Variants in GALNT14 observed in about 807,000 individuals in gnomAD.
GALNT14 encodes the protein polypeptide N-acetylgalactosaminyltransferase 14.
In GALNT14, 60 loss-of-function variants were observed where a neutral mutation model predicts 77.5. That is an observed-to-expected ratio of 0.77 (90% CI 0.63 to 0.96). GALNT14 has a LOEUF of 0.96. Among genes scored for constraint, GALNT14 ranks in the 40% least tolerant of loss-of-function variants. The pLI, the probability that GALNT14 is intolerant of heterozygous loss-of-function variation, is 0.00. For missense variants in GALNT14, 710 were observed against 731.0 expected (o/e 0.97, Z 0.33); for synonymous variants, 280 against 281.7 (o/e 0.99, Z 0.06).
At chr2:31,076,636 T>A (rs938880915) in intron 1 of GALNT14, among the ~76,000 whole-genome samples, 6 of 150,580 alleles carry the variant, frequency 4.0e-5, no homozygotes, top group African/African-American at 1.5e-4. Flanking sequence ...TATATTTTTT[T>A]TTTTTTTACA....
At chr2:30,951,037 A>G (rs1666994584) in intron 6 of GALNT14, among the ~76,000 whole-genome samples, 1 of 152,218 alleles carries the variant, frequency 6.6e-6, no homozygotes, top group South Asian at 2.1e-4. Flanking sequence ...TCAATTTACC[A>G]TATGAGCCAG....
At chr2:30,995,987 G>C (rs147987931) in intron 1 of GALNT14, among the ~76,000 whole-genome samples, 1 of 152,188 alleles carries the variant, frequency 6.6e-6, no homozygotes, top group Non-Finnish European at 1.5e-5. Flanking sequence ...GCAGCTCAAA[G>C]ACATCAGCAG....
chr2:31,101,902 C>T (rs891081685), intron 1 of GALNT14, among the ~76,000 whole-genome samples: 15 of 151,952 alleles, frequency 9.9e-5, no homozygotes, highest in Admixed American at 8.5e-4. Context: ...TCATGAGAGC[C>T]GATGGTTTTA....
At position 31,026,434 on chromosome 2, in the gene GALNT14, GT is replaced by G. The variant is rs558702654; in HGVS notation, c.130-33428del. On this transcript the variant is annotated intron_variant, in intron 1 of 14. Coordinates refer to ENST00000349752, the MANE Select transcript of GALNT14 (RefSeq NM_024572.4). ...CTTTTAATTGGATGCAGAGTGTCTT[GT>G]CTTCTCTCCCCAGACGGACAAGGAG... Among the ~76,000 whole-genome samples, 496 of 152,274 alleles carry G rather than the reference GT, an allele frequency of 3.3e-3. 3 individuals carry two copies. The highest frequency in any genetic ancestry group is 0.011 in the African/African-American group (468 of 41,552).
At chr2:31,001,523 A>C in intron 1 of GALNT14, among the ~76,000 whole-genome samples, 1 of 152,198 alleles carries the variant, frequency 6.6e-6, no homozygotes, top group Non-Finnish European at 1.5e-5. Context: ...GATCAGTTGT[A>C]CCCTGGCTCC....
At chr2:31,071,933 A>G (rs550442445) in intron 1 of GALNT14, among the ~76,000 whole-genome samples, 1 of 152,336 alleles carries the variant, frequency 6.6e-6, no homozygotes, top group South Asian at 2.1e-4. Flanking sequence ...ACACCCAGAA[A>G]GCGGCCTGGA....
chr2:31,065,585 C>T lies in GALNT14; in HGVS notation c.129+72373G>A, dbSNP rs114904906. Among the ~76,000 whole-genome samples, 752 of 152,240 alleles carry T rather than the reference C, an allele frequency of 4.9e-3. 7 individuals carry two copies. The highest frequency in any genetic ancestry group is 0.017 in the African/African-American group (720 of 41,512). ...GGCCAGCAAGAGGCCAGGAGGAGGG[C>T]CTTGGAATGGGCAGATGCTGCTGCT... On this transcript the variant is annotated intron_variant, in intron 1 of 14. Transcript: ENST00000349752.
At chr2:31,091,502 A>C (rs1215288066) in intron 1 of GALNT14, among the ~76,000 whole-genome samples, 1 of 152,162 alleles carries the variant, frequency 6.6e-6, no homozygotes, top group Non-Finnish European at 1.5e-5. Flanking sequence ...CCCCAAGGCC[A>C]CTCCTGTGAA....
chr2:30,962,653 C>T (rs556001301), intron 3 of GALNT14, among the ~76,000 whole-genome samples: 209 of 152,318 alleles, frequency 1.4e-3, no homozygotes, highest in African/African-American at 4.7e-3. Flanking sequence ...CATCTGTGTG[C>T]CCGATTGAGC....
At chr2:31,043,982 C>T (rs547079060) in intron 1 of GALNT14, among the ~76,000 whole-genome samples, 185 of 152,204 alleles carry the variant, frequency 1.2e-3, no homozygotes, top group African/African-American at 4.0e-3. Flanking sequence ...CACTGGAAGG[C>T]CCCGCCCTCT....
At chr2:30,936,893 T>C (rs554519436) in intron 9 of GALNT14, among the ~76,000 whole-genome samples, 1 of 152,132 alleles carries the variant, frequency 6.6e-6, no homozygotes, top group Non-Finnish European at 1.5e-5. Context: ...CTTTCCATAT[T>C]CTCTATGCAA....
At chr2:31,116,787 A>G (rs115748148) in intron 1 of GALNT14, among the ~76,000 whole-genome samples, 9,739 of 152,236 alleles carry the variant, frequency 0.064, 303 homozygotes, top group African/African-American at 0.075. Flanking sequence ...GCTCACACCT[A>G]TAATTCCAGC....
chr2:30,886,888 A>G, the GALNT14 span, among the ~76,000 whole-genome samples: 5 of 152,330 alleles, frequency 3.3e-5, no homozygotes, highest in Admixed American at 3.3e-4. Flanking sequence ...AAAACCCTGT[A>G]CCATTAAGCA....
chr2:31,096,854 G>A (rs1187841837), intron 1 of GALNT14, among the ~76,000 whole-genome samples: 1 of 152,062 alleles, frequency 6.6e-6, no homozygotes, highest in Non-Finnish European at 1.5e-5. Flanking sequence ...ACTCATCTAA[G>A]TGAAGAGGCA....
At chr2:30,930,994 C>A (rs367739391) in intron 10 of GALNT14, among the ~76,000 whole-genome samples, 1 of 152,244 alleles carries the variant, frequency 6.6e-6, no homozygotes, top group Non-Finnish European at 1.5e-5. Context: ...CCCCTCCAGG[C>A]GGCCACATGG....
chr2:31,038,305 G>A (rs1428481037), intron 1 of GALNT14, among the ~76,000 whole-genome samples: 1 of 151,376 alleles, frequency 6.6e-6, no homozygotes, highest in Non-Finnish European at 1.5e-5. Flanking sequence ...TGTTGGCCAG[G>A]CTGGTCTCAA....
At chr2:31,057,468 C>T (rs1366341899) in intron 1 of GALNT14, among the ~76,000 whole-genome samples, 3 of 141,354 alleles carry the variant, frequency 2.1e-5, no homozygotes, top group Non-Finnish European at 4.6e-5. Context: ...ATATATATAC[C>T]TTGTGTAAAT....
At chr2:31,046,885 A>G (rs1673502039) in intron 1 of GALNT14, among the ~76,000 whole-genome samples, 2 of 152,162 alleles carry the variant, frequency 1.3e-5, no homozygotes, top group Non-Finnish European at 2.9e-5. Context: ...ATATTCTCAC[A>G]TCTATCAGCT....
At chr2:30,896,718 G>C in the GALNT14 span, among the ~76,000 whole-genome samples, 12 of 152,106 alleles carry the variant, frequency 7.9e-5, no homozygotes, top group Admixed American at 7.9e-4. Flanking sequence ...TTAAGTATGG[G>C]TGCCATGAAG....
Sources: allele counts gnomAD v4.1 joint callset (sites outside exome capture counted in the v4.1 genomes callset), GRCh38; gene constraint gnomAD v4.1.1; transcripts MANE v1.5; gene names NCBI Gene and HGNC (gene_info 2026-07-23, HGNC 2026-07-21).